The following PLVAP variants were observed in gnomAD, a reference collection of about 807,000 sequenced individuals.
The protein encoded by PLVAP is plasmalemma vesicle-associated protein.
PLVAP carries 34 observed loss-of-function variants against 43.1 expected under a neutral mutation model. The observed-to-expected ratio is 0.79, with a 90% CI of 0.60 to 1.05. PLVAP has a LOEUF of 1.05. Among genes scored for constraint, PLVAP ranks in the 50% least tolerant of loss-of-function variants. The pLI is 0.00. For missense variants in PLVAP, 574 were observed against 593.4 expected (o/e 0.97, Z 0.34); for synonymous variants, 241 against 237.3 (o/e 1.02, Z -0.14).
At chr19:17,371,883 G>A (rs2074573468) in intron 1 of PLVAP, among the ~76,000 whole-genome samples, 1 of 152,066 alleles carries the variant, frequency 6.6e-6, no homozygotes, top group Admixed American at 6.6e-5. Flanking sequence ...AATAAGACAT[G>A]AAGAATCAGG....
chr19:17,366,059 G>T, intron 2 of PLVAP, 40 bp downstream of exon 2: 1 of 1,612,908 alleles, frequency 6.2e-7, no homozygotes, highest in East Asian at 2.2e-5. Flanking sequence ...CACTGGGCAG[G>T]GAGTCCACCA....
intron 1 of PLVAP, among the ~76,000 whole-genome samples, chr19:17,374,572 A>T (rs2074587168): frequency 6.6e-6 from 1 of 152,136 alleles, no homozygotes. Flanking sequence ...CTGTTTATAC[A>T]TGCTAGAATT....
rs1203769724 is a variant in PLVAP at position 17,365,310 on chromosome 19, G to A, written c.1155C>T (p.Ala385=). 6.2e-7 allele frequency: 1 copy of A among 1,612,998 alleles called. No individual in the cohort carries two copies. Among genetic ancestry groups the A allele is most frequent in the Non-Finnish European group, 8.5e-7 (1 of 1,179,860 alleles). The change falls in exon 3 of 6, where the codon GCC becomes GCT. Residue 385 remains alanine, a synonymous_variant. Transcript: ENST00000252590. ...CCTTGGTCTTGATGCAGGTGTCCAG[G>A]GCTGAGTTTCTGATGGCCAGCTCCA... ...LRMELAIRNS[A]LDTCIKTKSQ...
chr19:17,354,147 G>T (rs2074496833), intron 5 of PLVAP, among the ~76,000 whole-genome samples: 1 of 151,968 alleles, frequency 6.6e-6, no homozygotes, highest in South Asian at 2.1e-4. Flanking sequence ...AAAGTTAGCC[G>T]GGCCTGGTGA....
At chr19:17,367,634 C>T (rs544438649) in intron 1 of PLVAP, among the ~76,000 whole-genome samples, 1 of 152,274 alleles carries the variant, frequency 6.6e-6, no homozygotes, top group South Asian at 2.1e-4. Flanking sequence ...GGTGATCCGC[C>T]TATCTCGGCC....
intron 1 of PLVAP, among the ~76,000 whole-genome samples, chr19:17,366,736 ATTCTC>A (rs756222356): frequency 4.0e-5 from 6 of 151,330 alleles, no homozygotes; most frequent in African/African-American, 7.3e-5. Context: ...GATTCAAACA[ATTCTC>A]CTGTCTCAGC....
chr19:17,361,968 C>T (rs1006610104), intron 3 of PLVAP, among the ~76,000 whole-genome samples: 25 of 151,652 alleles, frequency 1.6e-4, no homozygotes, highest in African/African-American at 6.0e-4. Context: ...CACCTGTAGT[C>T]GCAGCTACTC....
At chr19:17,370,068 C>T (rs2074566568) in intron 1 of PLVAP, among the ~76,000 whole-genome samples, 1 of 145,924 alleles carries the variant, frequency 6.9e-6, no homozygotes, top group Non-Finnish European at 1.5e-5. Context: ...AAATGCAAAT[C>T]AGGACCACAG....
chr19:17,358,377 C>T (rs1453510043), intron 5 of PLVAP, among the ~76,000 whole-genome samples: 1 of 152,124 alleles, frequency 6.6e-6, no homozygotes, highest in African/African-American at 2.4e-5. Context: ...CCATATTAGC[C>T]CTCTGAGGCT....
intron 5 of PLVAP, 38 bp downstream of exon 5, chr19:17,360,490 T>A: frequency 6.3e-7 from 1 of 1,593,234 alleles, no homozygotes; most frequent in Non-Finnish European, 8.6e-7. Flanking sequence ...TGCCCACAGT[T>A]CTAAGACTGA....
Position 17,356,106 on chromosome 19 carries a change from C to T in PLVAP, c.1323-3738G>A, listed in dbSNP as rs578015455. 1.9e-3 allele frequency among the ~76,000 whole-genome samples: 295 copies of T among 152,110 alleles called. 1 individual carries two copies. The highest frequency in any genetic ancestry group is 2.6e-3 in the Non-Finnish European group (180 of 67,994). The stretch of plus-strand genomic sequence containing the variant: ...GGCGGACTGCCTGAGGTCAGGAGTT[C>T]GAGACCAGCCTGGCTAATGTGGTGA... On this transcript the variant is annotated intron_variant, in intron 5 of 5. Transcript: ENST00000252590.
chr19:17,352,414 G>A (rs1397320731), intron 5 of PLVAP, 46 bp from the exon 6 acceptor site: 1 of 1,604,134 alleles, frequency 6.2e-7, no homozygotes, highest in Admixed American at 1.7e-5. Context: ...TCAGACAGAG[G>A]GAAGGGCAAA....
Position 17,365,357 on chromosome 19 carries a change from T to A in PLVAP, c.1108A>T (p.Arg370Trp). 6.2e-7 allele frequency: 1 copy of A among 1,613,354 alleles called. No homozygotes were observed. The highest frequency in any genetic ancestry group is 1.1e-5 in the South Asian group (1 of 91,084). The change falls in exon 3 of 6, where the codon AGG becomes TGG. Residue 370 changes from arginine (R) to tryptophan (W), a missense_variant. Coordinates refer to ENST00000252590, the MANE Select transcript of PLVAP (RefSeq NM_031310.3). ...NLAKELEEKK[R>W]EAEQLRMELA... ...TCCATCCTGAGCTGCTCCGCCTCCCTCTTCTTCTCTTCCAGCTCCTTGGCC... is the reference window on the plus strand; with the variant it reads ...TCCATCCTGAGCTGCTCCGCCTCCCACTTCTTCTCTTCCAGCTCCTTGGCC...
intron 1 of PLVAP, among the ~76,000 whole-genome samples, chr19:17,375,309 G>A (rs1400915134): frequency 2.0e-5 from 3 of 152,048 alleles, no homozygotes; most frequent in East Asian, 1.9e-4. Context: ...GATTAGTGCT[G>A]GCACATTCTG....
At chr19:17,376,796 T>A in intron 1 of PLVAP, 124 bp downstream of exon 1, 1 of 1,016,834 alleles carries the variant, frequency 9.8e-7, no homozygotes, top group Non-Finnish European at 1.4e-6. Context: ...AGACTCTGTC[T>A]CATAAGAAAA....
intron 5 of PLVAP, among the ~76,000 whole-genome samples, chr19:17,354,664 C>G (rs908210446): frequency 6.8e-6 from 1 of 147,548 alleles, no homozygotes; most frequent in Non-Finnish European, 1.5e-5. Flanking sequence ...TTTGGGAGGC[C>G]GAGGCAGGCG....
intron 1 of PLVAP, among the ~76,000 whole-genome samples, chr19:17,372,931 T>G (rs1019971232): frequency 6.7e-6 from 1 of 150,118 alleles, no homozygotes. Context: ...CAGGGCATGT[T>G]GGCGGGCACC....
rs772475301 is a variant in PLVAP, at chr19:17,365,603, G to A, written c.862C>T (p.Arg288Trp). ...CGTTCGATATCCGCCCGGAGGCTCCGGGCCAGCTCCTCCACCTTGGAGCTC... is the reference window on the plus strand; with the variant it reads ...CGTTCGATATCCGCCCGGAGGCTCCAGGCCAGCTCCTCCACCTTGGAGCTC... ...LMSSKVEELARSLRADIERVA... is the reference protein window; with the variant it reads ...LMSSKVEELAWSLRADIERVA... The change falls in exon 3 of 6, where the codon CGG becomes TGG. Residue 288 changes from arginine (R) to tryptophan (W), a missense_variant. Arg to Trp is a moderately radical substitution (Grantham distance 101). Coordinates refer to ENST00000252590, the MANE Select transcript of PLVAP (RefSeq NM_031310.3). 24 of 1,612,964 alleles carry A rather than the reference G, an allele frequency of 1.5e-5. No homozygotes were observed. The highest frequency in any genetic ancestry group is 6.7e-5 in the African/African-American group (5 of 74,922).
At chr19:17,363,587 C>T (rs1160567905) in intron 3 of PLVAP, among the ~76,000 whole-genome samples, 1 of 148,206 alleles carries the variant, frequency 6.7e-6, no homozygotes, top group African/African-American at 2.5e-5. Context: ...CCCCAGATGT[C>T]TGTTGCTCCC....
Sources: allele counts gnomAD v4.1 joint callset (sites outside exome capture counted in the v4.1 genomes callset), GRCh38; gene constraint gnomAD v4.1.1; transcripts MANE v1.5; gene names NCBI Gene and HGNC (gene_info 2026-07-23, HGNC 2026-07-21).